Variants in CELF2 observed in about 807,000 individuals in gnomAD.
CELF2 encodes the protein CUGBP Elav-like family member 2.
In CELF2, 8 loss-of-function variants were observed where a neutral mutation model predicts 62.6. The ratio of observed to expected loss-of-function variants is 0.13; its 90% confidence interval spans 0.07 to 0.23. The LOEUF (loss-of-function observed/expected upper bound fraction) is 0.23, where lower values mean the gene tolerates loss of function less well. Among genes scored for constraint, CELF2 ranks in the 10% least tolerant of loss-of-function variants. The pLI is 1.00. For missense variants in CELF2, 333 were observed against 671.0 expected (o/e 0.50, Z 5.56); for synonymous variants, 258 against 250.0 (o/e 1.03, Z -0.30).
At position 11,156,115 on chromosome 10, in the gene CELF2, A is replaced by G. The variant is rs1346662542; in HGVS notation, c.75-9371A>G. On this transcript the variant is annotated intron_variant, in intron 1 of 12. Coordinates refer to ENST00000633077, the MANE Select transcript of CELF2 (RefSeq NM_001326342.2). The surrounding 1 kb of genome is among the most constrained non-coding windows in gnomAD (Gnocchi z 4.3). ...ACCAGTTTTATATTAATAATAATGT[A>G]ATGAGAACAAGAGGATAGCCAGAAT... Among the ~76,000 whole-genome samples, 1 of 152,188 alleles carries G rather than the reference A, an allele frequency of 6.6e-6. No homozygotes were observed. The highest frequency in any genetic ancestry group is 2.4e-5 in the African/African-American group (1 of 41,434).
the CELF2 span, among the ~76,000 whole-genome samples, chr10:10,730,013 A>G: frequency 1.3e-5 from 2 of 152,260 alleles, no homozygotes; most frequent in Non-Finnish European, 2.9e-5. Flanking sequence ...TGCACTTTAT[A>G]CATCTTCAGC....
In CELF2 at chr10:11,159,258, A is replaced by T. The variant is rs1026895223; in HGVS notation, c.75-6228A>T. 6.6e-6 allele frequency among the ~76,000 whole-genome samples: 1 copy of T among 152,232 alleles called. No individual in the cohort carries two copies. The highest frequency in any genetic ancestry group is 2.4e-5 in the African/African-American group (1 of 41,454). On this transcript the variant is annotated intron_variant, in intron 1 of 12. Transcript: ENST00000633077. This position sits in a 1 kb window ranked among gnomAD's most constrained non-coding sequence, Gnocchi z 5.0. ...CATATTTTTGGTGGCGTAACTGATAACCAAAACATTTTGTTAAATTTACCC... is the reference window on the plus strand; with the variant it reads ...CATATTTTTGGTGGCGTAACTGATATCCAAAACATTTTGTTAAATTTACCC...
chr10:11,058,312 T>C (rs1357462276), intron 1 of CELF2, among the ~76,000 whole-genome samples: 1 of 152,202 alleles, frequency 6.6e-6, no homozygotes, highest in Non-Finnish European at 1.5e-5. Context: ...TGGAAAAGGC[T>C]GATTTTAAGG....
intron 2 of CELF2, among the ~76,000 whole-genome samples, chr10:11,201,791 T>C (rs942028100): frequency 3.9e-5 from 6 of 152,198 alleles, no homozygotes; most frequent in Non-Finnish European, 8.8e-5. Flanking sequence ...ATGGCTTGGC[T>C]CCAAGAATCC....
At chr10:10,804,300 G>A (rs1022922433) in intron 1 of CELF2, among the ~76,000 whole-genome samples, 2 of 152,224 alleles carry the variant, frequency 1.3e-5, no homozygotes, top group African/African-American at 4.8e-5. Context: ...CAGCTTGGGT[G>A]TGACCTAATA....
intron 9 of CELF2, among the ~76,000 whole-genome samples, chr10:11,303,226 T>G (rs2093931344): frequency 6.6e-6 from 1 of 152,206 alleles, no homozygotes; most frequent in African/African-American, 2.4e-5. Flanking sequence ...GTTTCTTGCC[T>G]TAGTCCCTTG....
chr10:10,630,068 A>T, the CELF2 span, among the ~76,000 whole-genome samples: 1 of 152,126 alleles, frequency 6.6e-6, no homozygotes, highest in Admixed American at 6.6e-5. Flanking sequence ...AAGACACTCC[A>T]TCTGCTTTTG....
At chr10:10,896,145 T>G (rs1252026321) in intron 1 of CELF2, among the ~76,000 whole-genome samples, 1 of 152,080 alleles carries the variant, frequency 6.6e-6, no homozygotes, top group Non-Finnish European at 1.5e-5. Flanking sequence ...GATAACCACT[T>G]GAAAGGATTA....
chr10:10,512,190 C>T, the CELF2 span, among the ~76,000 whole-genome samples: 3 of 152,052 alleles, frequency 2.0e-5, no homozygotes, highest in Non-Finnish European at 2.9e-5. Context: ...AAATAGCATG[C>T]CTCCTCCTCA....
rs943358122 is a variant in CELF2, at chr10:10,954,244, A to C, written c.89+34245A>C. 1.7e-4 allele frequency among the ~76,000 whole-genome samples: 25 copies of C among 145,964 alleles called. 1 individual carries two copies. Among genetic ancestry groups the C allele is most frequent in the South Asian group, 6.6e-4 (3 of 4,570 alleles). ...TATTATTATTATTATTATTATTATTATTATTATTATTATTATTTTGAGATG... is the reference window on the plus strand; with the variant it reads ...TATTATTATTATTATTATTATTATTCTTATTATTATTATTATTTTGAGATG... On this transcript the variant is annotated intron_variant, in intron 2 of 13. Transcript: ENST00000636488.
At chr10:11,132,010 G>A (rs1240840658) in intron 1 of CELF2, among the ~76,000 whole-genome samples, 1 of 152,226 alleles carries the variant, frequency 6.6e-6, no homozygotes, top group East Asian at 1.9e-4. Flanking sequence ...TTTTATAAAA[G>A]TGGAAGACTT....
the CELF2 span, among the ~76,000 whole-genome samples, chr10:10,636,502 A>G: frequency 6.6e-6 from 1 of 152,210 alleles, no homozygotes; most frequent in Non-Finnish European, 1.5e-5. Context: ...GAAGCCAGTG[A>G]GCTACATCAC....
the CELF2 span, among the ~76,000 whole-genome samples, chr10:10,542,441 G>A: frequency 1.3e-5 from 2 of 152,200 alleles, no homozygotes; most frequent in Non-Finnish European, 2.9e-5. Context: ...TACTCACTCA[G>A]AGTTTGAAAC....
the CELF2 span, among the ~76,000 whole-genome samples, chr10:10,694,122 C>G: frequency 6.6e-6 from 1 of 151,130 alleles, no homozygotes; most frequent in African/African-American, 2.4e-5. Flanking sequence ...AATTTTGGAT[C>G]TTTCCTGCTT....
At chr10:10,628,777 A>G in the CELF2 span, among the ~76,000 whole-genome samples, 13 of 152,210 alleles carry the variant, frequency 8.5e-5, no homozygotes, top group Admixed American at 5.9e-4. Context: ...ACATGTATAC[A>G]TATGTAACAA....
At chr10:11,283,965 G>A (rs1479703604) in intron 8 of CELF2, among the ~76,000 whole-genome samples, 5 of 142,732 alleles carry the variant, frequency 3.5e-5, no homozygotes, top group Admixed American at 1.4e-4. Context: ...AGTGTGTGGT[G>A]GGTGGATGAC....
intron 1 of CELF2, among the ~76,000 whole-genome samples, chr10:10,913,841 A>AGGAG (rs1371765584): frequency 1.0e-3 from 129 of 124,540 alleles, no homozygotes; most frequent in African/African-American, 3.3e-3. Flanking sequence ...GAAGGAAGGA[A>AGGAG]GGAAGGAGGG....
chr10:11,029,988 A>T (rs1038176207), intron 1 of CELF2, among the ~76,000 whole-genome samples: 1 of 152,134 alleles, frequency 6.6e-6, no homozygotes, highest in Non-Finnish European at 1.5e-5. Context: ...TCTCCTAAGG[A>T]TGTGCTACTT....
rs1259965833 is a variant in CELF2, at chr10:11,306,112, T to A, written c.977-8027T>A. On this transcript the variant is annotated intron_variant, in intron 9 of 12. Transcript: ENST00000633077. The surrounding 1 kb of genome is among the most constrained non-coding windows in gnomAD (Gnocchi z 4.4). Reference sequence around the variant, plus strand: ...TTAAAATGTGACGTATCCAAGTTATTGCAGCCACTGTGCGAGCAAGGTGAG... The same window carrying A: ...TTAAAATGTGACGTATCCAAGTTATAGCAGCCACTGTGCGAGCAAGGTGAG... Among the ~76,000 whole-genome samples the A allele has an allele frequency of 6.6e-6, 1 of 152,170 alleles. No individual in the cohort carries two copies. Among genetic ancestry groups the A allele is most frequent in the Non-Finnish European group, 1.5e-5 (1 of 68,040 alleles).
Sources: gnomAD v4.1 joint callset for allele counts (sites outside exome capture counted in the v4.1 genomes callset) on GRCh38, gnomAD v4.1.1 for gene constraint, Gnocchi (gnomAD v3.1) non-coding constraint, MANE v1.5 for transcripts, NCBI Gene and HGNC (gene_info 2026-07-23, HGNC 2026-07-21) for gene names.